The following MPDZ variants were observed in gnomAD, a reference collection of about 807,000 sequenced individuals.
MPDZ encodes the protein multiple PDZ domain protein.
A neutral mutation model predicts 239.1 loss-of-function variants in MPDZ; 234 were observed. The observed-to-expected ratio is 0.98, with a 90% CI of 0.88 to 1.09. The LOEUF is 1.09. Ranked by LOEUF, MPDZ falls within the 50% of genes least tolerant of loss-of-function variation. The pLI, the probability that MPDZ is intolerant of heterozygous loss-of-function variation, is 0.00. For synonymous variants in MPDZ, 1,048 were observed against 881.3 expected (o/e 1.19, Z -3.35); for missense variants, 3,175 against 2,510.0 (o/e 1.26, Z -5.66).
At chr9:13,121,219 T>G (rs755696848) in intron 38 of MPDZ, among the ~76,000 whole-genome samples, 1 of 152,164 alleles carries the variant, frequency 6.6e-6, no homozygotes, top group Non-Finnish European at 1.5e-5. Context: ...TCCACTCTCC[T>G]TTAATAAACC....
Position 13,244,438 on chromosome 9 carries a change from T to C in MPDZ, c.183+3197A>G, listed in dbSNP as rs552244872. Among the ~76,000 whole-genome samples, 6 of 152,258 alleles carry C rather than the reference T, an allele frequency of 3.9e-5. No homozygotes were observed. The South Asian group carries it at 1.2e-3, about 32-fold the overall frequency. On this transcript the variant is annotated intron_variant, in intron 3 of 46. Coordinates refer to ENST00000319217, the MANE Select transcript of MPDZ (RefSeq NM_001378778.1). The stretch of plus-strand genomic sequence containing the variant: ...ACACACAGTCACAGTTCTTTTTTTT[T>C]CTCTTCACTTAAACAGGAATCATGC...
chr9:13,218,888 T>C (rs1187807890), intron 8 of MPDZ, among the ~76,000 whole-genome samples: 1 of 151,904 alleles, frequency 6.6e-6, no homozygotes, highest in Non-Finnish European at 1.5e-5. Flanking sequence ...CCAATAATTT[T>C]GAAATTCTCT....
chr9:13,183,364 G>C (rs891599311), intron 19 of MPDZ, 54 bp downstream of exon 19: 5 of 1,472,812 alleles, frequency 3.4e-6, no homozygotes, highest in Admixed American at 2.3e-5. Context: ...CTGAGCTCTG[G>C]AAAATTACAC....
rs564016332 is a variant in MPDZ, at chr9:13,121,068, C to T, written c.5231+671G>A. Reference sequence around the variant, plus strand: ...TGTTAATATTACTTACATGTAAATACTTTTAAAATGTACTCATATACAAAT... The same window carrying T: ...TGTTAATATTACTTACATGTAAATATTTTTAAAATGTACTCATATACAAAT... On this transcript the variant is annotated intron_variant, in intron 38 of 46. Transcript: ENST00000319217. 2.1e-3 allele frequency among the ~76,000 whole-genome samples: 326 copies of T among 152,236 alleles called. 2 individuals are homozygous for T. Among genetic ancestry groups the T allele is most frequent in the African/African-American group, 7.5e-3 (313 of 41,538 alleles).
At chr9:13,247,127 T>C (rs543435807) in intron 3 of MPDZ, among the ~76,000 whole-genome samples, 78 of 152,200 alleles carry the variant, frequency 5.1e-4, no homozygotes, top group Non-Finnish European at 1.1e-3. Context: ...ACTTACACTC[T>C]TTAAAGAAGT....
intron 1 of MPDZ, among the ~76,000 whole-genome samples, chr9:13,273,357 CGTTAGT>C (rs1429018109): frequency 6.6e-6 from 1 of 152,080 alleles, no homozygotes; most frequent in Non-Finnish European, 1.5e-5. Flanking sequence ...GGTTTTGTTA[CGTTAGT>C]GATATCTTAT....
chr9:13,264,466 C>G (rs1971367961), intron 1 of MPDZ, among the ~76,000 whole-genome samples: 1 of 152,052 alleles, frequency 6.6e-6, no homozygotes, highest in Admixed American at 6.5e-5. Context: ...CAGAGAGAAG[C>G]TAAAGCTCAC....
rs1563812369 is a variant in MPDZ at position 13,110,624 on chromosome 9, T to C, written c.5829+12A>G. 6.2e-7 allele frequency: 1 copy of C among 1,606,472 alleles called. No individual in the cohort carries two copies. Among genetic ancestry groups the C allele is most frequent in the Non-Finnish European group, 8.5e-7 (1 of 1,173,658 alleles). ...CCTATATTCTGAATTATGCTTGGGA[T>C]AAAAATCTTACCTGCATTTCAATGG... On this transcript the variant is annotated intron_variant, in intron 44 of 46. Coordinates refer to ENST00000319217, the MANE Select transcript of MPDZ (RefSeq NM_001378778.1).
chr9:13,117,050 G>T (rs911977546), intron 39 of MPDZ, among the ~76,000 whole-genome samples: 1 of 151,852 alleles, frequency 6.6e-6, no homozygotes, highest in African/African-American at 2.4e-5. Context: ...TATATATAAG[G>T]TTTAATTTAT....
At chr9:13,170,298 T>G (rs916595211) in intron 21 of MPDZ, among the ~76,000 whole-genome samples, 2 of 152,194 alleles carry the variant, frequency 1.3e-5, no homozygotes, top group African/African-American at 4.8e-5. Flanking sequence ...CTGATTTTGT[T>G]TCTAGCCTAA....
chr9:13,259,293 C>A (rs1399789411), intron 1 of MPDZ, among the ~76,000 whole-genome samples: 1 of 151,864 alleles, frequency 6.6e-6, no homozygotes, highest in Non-Finnish European at 1.5e-5. Context: ...GAGATCGAGC[C>A]ACCACACTCC....
At chr9:13,160,459 T>C (rs1478355991) in intron 23 of MPDZ, among the ~76,000 whole-genome samples, 1 of 152,130 alleles carries the variant, frequency 6.6e-6, no homozygotes, top group Non-Finnish European at 1.5e-5. Flanking sequence ...AGTGGCTTTC[T>C]TTCTAATAAC....
intron 1 of MPDZ, among the ~76,000 whole-genome samples, chr9:13,273,617 C>G (rs1231042141): frequency 6.6e-6 from 1 of 152,108 alleles, no homozygotes; most frequent in Non-Finnish European, 1.5e-5. Flanking sequence ...CATTCTAGAT[C>G]AGCTCTGGCC....
In MPDZ at chr9:13,126,604, T is replaced by C. The variant is rs1173716481; in HGVS notation, c.4558-14A>G. ...GAGTCGTCCATCCTAAATGGAAACGTAGAAGAATTTGAGTGATATTCCAAA... is the reference window on the plus strand; with the variant it reads ...GAGTCGTCCATCCTAAATGGAAACGCAGAAGAATTTGAGTGATATTCCAAA... On this transcript the variant is annotated splice_polypyrimidine_tract_variant and intron_variant, in intron 33 of 46. Coordinates refer to ENST00000319217, the MANE Select transcript of MPDZ (RefSeq NM_001378778.1). 2 of 1,609,564 alleles carry C rather than the reference T, an allele frequency of 1.2e-6. No individual in the cohort carries two copies. Among genetic ancestry groups the C allele is most frequent in the African/African-American group, 2.7e-5 (2 of 74,874 alleles).
chr9:13,116,612 T>C (rs1191239608), intron 39 of MPDZ, among the ~76,000 whole-genome samples: 1 of 152,186 alleles, frequency 6.6e-6, no homozygotes, highest in Admixed American at 6.5e-5. Flanking sequence ...TATTTTCAGT[T>C]TACATAACTG....
At position 13,224,398 on chromosome 9, in the gene MPDZ, A is replaced by T. The variant is rs773789064; in HGVS notation, c.369T>A (p.Asp123Glu). The T allele has an allele frequency of 3.1e-6, 5 of 1,612,466 alleles. No homozygotes were observed. Among genetic ancestry groups the T allele is most frequent in the Non-Finnish European group, 4.2e-6 (5 of 1,179,114 alleles). Residue 123 changes from aspartate (D) to glutamate (E), a missense_variant, in exon 4 of 47, where the codon GAT becomes GAA. Coordinates refer to ENST00000319217, the MANE Select transcript of MPDZ (RefSeq NM_001378778.1). The stretch of plus-strand genomic sequence containing the variant: ...CCTGGGCCATATTTTTGATAAGCTG[A>T]TCAAATTCATCACAAGCAGGTTTCC... ...INGKPACDEF[D>E]QLIKNMAQGR...
intron 30 of MPDZ, among the ~76,000 whole-genome samples, 167 bp from the exon 31 acceptor site, chr9:13,136,349 T>TTTTTTTTTTTTTTTTTTTTTTTTTA (rs1946782722): frequency 7.1e-6 from 1 of 140,998 alleles, no homozygotes; most frequent in African/African-American, 2.7e-5. Flanking sequence ...TTTTTTTTTT[T>TTTTTTTTTTTTTTTTTTTTTTTTTA]GAGACAGAGT....
At chr9:13,225,024 G>A (rs891715311) in intron 3 of MPDZ, among the ~76,000 whole-genome samples, 12 of 152,010 alleles carry the variant, frequency 7.9e-5, no homozygotes, top group Non-Finnish European at 1.3e-4. Flanking sequence ...CAAACTCGGA[G>A]CTGAATTTTA....
chr9:13,172,752 T>A (rs1299262070), intron 21 of MPDZ, among the ~76,000 whole-genome samples: 1 of 152,096 alleles, frequency 6.6e-6, no homozygotes, highest in East Asian at 1.9e-4. Flanking sequence ...AGTCAGGCTG[T>A]TGAGGGAGGT....
Sources: gnomAD v4.1 joint callset for allele counts (sites outside exome capture counted in the v4.1 genomes callset) on GRCh38, gnomAD v4.1.1 for gene constraint, MANE v1.5 for transcripts, NCBI Gene and HGNC (gene_info 2026-07-23, HGNC 2026-07-21) for gene names.